Variants in PTGFRN observed in about 807,000 individuals in gnomAD.
The protein encoded by PTGFRN is prostaglandin F2 receptor inhibitor.
PTGFRN carries 35 observed loss-of-function variants against 83.2 expected under a neutral mutation model. The observed-to-expected ratio is 0.42, with a 90% CI of 0.32 to 0.56. PTGFRN has a LOEUF of 0.56. Ranked by LOEUF, PTGFRN falls within the 20% of genes least tolerant of loss-of-function variation. The pLI is 0.11. For synonymous variants in PTGFRN, 519 were observed against 498.6 expected (o/e 1.04, Z -0.55); for missense variants, 1,051 against 1,179.5 (o/e 0.89, Z 1.60).
Position 116,949,376 on chromosome 1 carries a change from G to A in PTGFRN, c.1017G>A (p.Leu339=). 6.2e-7 allele frequency: 1 copy of A among 1,614,250 alleles called. No individual in the cohort carries two copies. Among genetic ancestry groups the A allele is most frequent in the African/African-American group, 1.3e-5 (1 of 75,066 alleles). ...RVLARLDRDS[L]VHSSPHVALS... is the part of the protein sequence containing the mutation. The stretch of plus-strand genomic sequence containing the variant: ...TGGCGCGGCTTGACCGTGATTCCCT[G>A]GTGCACAGCTCGCCTCATGTTGCTT... Residue 339 remains leucine (L), a synonymous_variant, in exon 4 of 9, where the codon CTG becomes CTA. Coordinates refer to ENST00000393203, the MANE Select transcript of PTGFRN (RefSeq NM_020440.4).
chr1:116,963,393 T>C (rs1650728772), intron 5 of PTGFRN, among the ~76,000 whole-genome samples: 1 of 152,250 alleles, frequency 6.6e-6, no homozygotes, highest in Non-Finnish European at 1.5e-5. Context: ...CCATTCACGC[T>C]GCCCCAGGGC....
intron 1 of PTGFRN, among the ~76,000 whole-genome samples, chr1:116,934,561 A>G (rs1649873943): frequency 6.6e-6 from 1 of 152,058 alleles, no homozygotes; most frequent in South Asian, 2.1e-4. Context: ...TTGTTTCAAT[A>G]TATTTCAGTT....
rs550568508 is a variant in PTGFRN, at chr1:116,961,880, T to C, written c.1639+212T>C. Among the ~76,000 whole-genome samples, 9 of 152,270 alleles carry C rather than the reference T, an allele frequency of 5.9e-5. No individual in the cohort carries two copies. The highest frequency in any genetic ancestry group is 1.9e-4 in the African/African-American group (8 of 41,560). ...AGCCCCAGAGAGGTCCCTCTCCAAC[T>C]CACTGTCAATCAGCCAAGTCTCTTG... On this transcript the variant is annotated intron_variant, in intron 5 of 8. Coordinates refer to ENST00000393203, the MANE Select transcript of PTGFRN (RefSeq NM_020440.4). The surrounding 1 kb of genome is among the most constrained non-coding windows in gnomAD (Gnocchi z 5.4).
intron 5 of PTGFRN, among the ~76,000 whole-genome samples, chr1:116,966,089 G>A (rs539852972): frequency 1.8e-4 from 28 of 152,218 alleles, no homozygotes; most frequent in Non-Finnish European, 3.5e-4. Context: ...AGGATAAAAA[G>A]AATGTATCTA....
chr1:116,949,537 T>A lies in PTGFRN; in HGVS notation c.1178T>A (p.Val393Glu), dbSNP rs1160919521. Residue 393 changes from valine (V) to glutamate (E), a missense_variant, in exon 4 of 9, where the codon GTG (valine) becomes GAG (glutamate). By Grantham distance (121) the Val-to-Glu change is moderately radical. Coordinates refer to ENST00000393203, the MANE Select transcript of PTGFRN (RefSeq NM_020440.4). ...AGCTGGCACAAAGTGGCAGAGGCCG[T>A]GTCTTCCCCAGCTGGTGTGGGTGTG... ...NRSWHKVAEAVSSPAGVGVTW... is the reference protein window; with the variant it reads ...NRSWHKVAEAESSPAGVGVTW... The A allele has an allele frequency of 6.2e-7, 1 of 1,613,846 alleles. No individual in the cohort carries two copies. Among genetic ancestry groups the A allele is most frequent in the Non-Finnish European group, 8.5e-7 (1 of 1,180,004 alleles).
rs769862144 is a variant in PTGFRN, at chr1:116,984,782, C to T, written c.2270C>T (p.Thr757Ile). The change falls in exon 8 of 9, where the codon ACC (threonine) becomes ATC (isoleucine). Residue 757 changes from threonine (T) to isoleucine (I), a missense_variant. Thr to Ile is a moderately conservative substitution (Grantham distance 89, BLOSUM62 -1). Transcript: ENST00000393203. ...CTGGATCGGAAGGGCATCGTGACCA[C>T]CTCCCGGAGGGACTGGAAGAGCGAC... ...SSLDRKGIVT[T>I]SRRDWKSDLS... is the part of the protein sequence containing the mutation. 1.2e-6 allele frequency: 2 copies of T among 1,614,104 alleles called. No homozygotes were observed. Among genetic ancestry groups the T allele is most frequent in the Admixed American group, 1.7e-5 (1 of 59,976 alleles).
intron 1 of PTGFRN, among the ~76,000 whole-genome samples, chr1:116,913,720 A>C (rs1298330289): frequency 1.3e-5 from 2 of 152,248 alleles, no homozygotes; most frequent in Non-Finnish European, 2.9e-5. Context: ...TGTTTGATAC[A>C]TATTGGCTGA....
chr1:116,939,277 TG>T (rs1650004775), intron 1 of PTGFRN, among the ~76,000 whole-genome samples: 1 of 152,250 alleles, frequency 6.6e-6, no homozygotes, highest in South Asian at 2.1e-4. Context: ...CGGTTCTCCA[TG>T]AGAGCCCCAC....
At chr1:116,910,924 C>G (rs1298674909) in intron 1 of PTGFRN, among the ~76,000 whole-genome samples, 1 of 152,208 alleles carries the variant, frequency 6.6e-6, no homozygotes. Flanking sequence ...CCTGGCTTCT[C>G]CAACTTTTTC....
rs531682439 is a variant in PTGFRN, at chr1:116,949,378, T to C, written c.1019T>C (p.Val340Ala). 8.7e-6 allele frequency: 14 copies of C among 1,614,274 alleles called. No homozygotes were observed. Among genetic ancestry groups the C allele is most frequent in the African/African-American group, 4.0e-5 (3 of 75,078 alleles). ...VLARLDRDSL[V>A]HSSPHVALSH... ...GCGCGGCTTGACCGTGATTCCCTGG[T>C]GCACAGCTCGCCTCATGTTGCTTTG... The change falls in exon 4 of 9, where the codon GTG becomes GCG. Residue 340 changes from valine (V) to alanine (A), a missense_variant. By Grantham distance (64) the Val-to-Ala change is moderately conservative. This residue lies in a region of PTGFRN where 719 missense variants were observed against 836.6 expected (regional missense o/e 0.86). Coordinates refer to ENST00000393203, the MANE Select transcript of PTGFRN (RefSeq NM_020440.4).
intron 3 of PTGFRN, among the ~76,000 whole-genome samples, chr1:116,946,526 C>T (rs373784526): frequency 1.1e-4 from 17 of 152,264 alleles, no homozygotes; most frequent in African/African-American, 3.8e-4. Flanking sequence ...AGAAAGTTTA[C>T]GCTTTTTTGG....
chr1:116,967,427 G>A (rs1650873133), intron 6 of PTGFRN, 97 bp downstream of exon 6: 11 of 1,253,170 alleles, frequency 8.8e-6, no homozygotes, highest in Non-Finnish European at 1.1e-5. Context: ...TTGTTAAGAT[G>A]CAATTCATAT....
chr1:116,931,477 G>A (rs1649800816), intron 1 of PTGFRN, among the ~76,000 whole-genome samples: 1 of 150,474 alleles, frequency 6.6e-6, no homozygotes, highest in African/African-American at 2.5e-5. Flanking sequence ...ATCTCAGTGA[G>A]GTCTTAGCTG....
chr1:116,922,152 T>C (rs900441055), intron 1 of PTGFRN, among the ~76,000 whole-genome samples: 4 of 152,086 alleles, frequency 2.6e-5, no homozygotes, highest in Non-Finnish European at 5.9e-5. Flanking sequence ...AGAGCCGGCA[T>C]GTGTGAGGCT....
At chr1:116,956,599 G>A (rs1650501941) in intron 4 of PTGFRN, among the ~76,000 whole-genome samples, 2 of 152,238 alleles carry the variant, frequency 1.3e-5, no homozygotes, top group Admixed American at 1.3e-4. Flanking sequence ...GGAATGGTGA[G>A]AGGTGCCATC....
intron 4 of PTGFRN, among the ~76,000 whole-genome samples, chr1:116,951,624 C>T (rs1269841757): frequency 6.6e-6 from 1 of 152,172 alleles, no homozygotes; most frequent in Non-Finnish European, 1.5e-5. Context: ...CTGAGTAAAC[C>T]TAACGAAAGA....
In PTGFRN at chr1:116,921,630, C is replaced by CT. The variant is rs35543292; in HGVS notation, c.49+11391dup. On this transcript the variant is annotated intron_variant, in intron 1 of 8. Transcript: ENST00000393203. ...GGACATTGCTACTTTGCTTTGTAAT[C>CT]TTTTTTTTTTTTTAGTACTTCCGCA... Among the ~76,000 whole-genome samples the CT allele has an allele frequency of 7.4e-3, 1,071 of 144,070 alleles. 10 individuals carry two copies. The highest frequency in any genetic ancestry group is 0.023 in the African/African-American group (892 of 39,592). 94.5% of individuals were successfully genotyped at this position (144,070 alleles called of 152,430 possible). A position where few individuals can be genotyped will look rare whatever the true frequency, so the allele number is the denominator to read the frequency against.
At chr1:116,973,536 T>C (rs947264083) in intron 6 of PTGFRN, among the ~76,000 whole-genome samples, 3 of 131,976 alleles carry the variant, frequency 2.3e-5, no homozygotes, top group African/African-American at 5.8e-5. Flanking sequence ...ATCCAGGAAG[T>C]GGAGGTTGCA....
chr1:116,949,300 C>T lies in PTGFRN; in HGVS notation c.941C>T (p.Thr314Met), dbSNP rs150849305. The part of the protein sequence containing the change: ...DRADDVRPEV[T>M]WSFSRMPDST... ...GCCGATGACGTCCGGCCCGAGGTGACGTGGTCCTTCAGCAGGATGCCTGAC... is the reference window on the plus strand; with the variant it reads ...GCCGATGACGTCCGGCCCGAGGTGATGTGGTCCTTCAGCAGGATGCCTGAC... The change falls in exon 4 of 9, where the codon ACG becomes ATG. Residue 314 changes from threonine (T) to methionine (M), a missense_variant. Thr to Met is a moderately conservative substitution (Grantham distance 81). Coordinates refer to ENST00000393203, the MANE Select transcript of PTGFRN (RefSeq NM_020440.4). 67 of 1,614,148 alleles carry T rather than the reference C, an allele frequency of 4.2e-5. No homozygotes were observed. The highest frequency in any genetic ancestry group is 9.3e-5 in the African/African-American group (7 of 74,950).
Sources: allele counts gnomAD v4.1 joint callset (sites outside exome capture counted in the v4.1 genomes callset), GRCh38; gene constraint gnomAD v4.1.1; regional missense constraint gnomAD v4.1.1; non-coding constraint Gnocchi (gnomAD v3.1); transcripts MANE v1.5; gene names NCBI Gene and HGNC (gene_info 2026-07-23, HGNC 2026-07-21).